SPMIP2: variants seen among roughly 807,000 people sequenced by gnomAD.
The protein encoded by SPMIP2 is protein SPMIP2.
At chr4:158,897,020 C>T in the SPMIP2 span, among the ~76,000 whole-genome samples, 10 of 151,916 alleles carry the variant, frequency 6.6e-5, no homozygotes, top group East Asian at 3.9e-4. Flanking sequence ...AAATAGGCCC[C>T]GGTGTGTGAT....
At chr4:158,986,548 T>C in the SPMIP2 span, among the ~76,000 whole-genome samples, 1 of 151,986 alleles carries the variant, frequency 6.6e-6, no homozygotes, top group Non-Finnish European at 1.5e-5. Flanking sequence ...CCCTATTTAA[T>C]AAATGGTGCT....
the SPMIP2 span, among the ~76,000 whole-genome samples, chr4:159,005,036 G>A: frequency 6.6e-6 from 1 of 151,990 alleles, no homozygotes; most frequent in African/African-American, 2.4e-5. Flanking sequence ...TTCGACATCA[G>A]CCTGACCAAC....
At chr4:159,020,928 A>AT in the SPMIP2 span, among the ~76,000 whole-genome samples, 1 of 151,904 alleles carries the variant, frequency 6.6e-6, no homozygotes, top group South Asian at 2.1e-4. Context: ...CGCCCGGCTA[A>AT]TTTTTTGTAT....
chr4:159,058,037 G>C, the SPMIP2 span, among the ~76,000 whole-genome samples: 8 of 152,094 alleles, frequency 5.3e-5, no homozygotes, highest in Admixed American at 5.2e-4. Flanking sequence ...GCTAATTTTT[G>C]TAATTTTTGT....
At chr4:158,980,953 C>G in the SPMIP2 span, among the ~76,000 whole-genome samples, 1 of 151,820 alleles carries the variant, frequency 6.6e-6, no homozygotes, top group African/African-American at 2.4e-5. Flanking sequence ...AAGGAAGAAC[C>G]TTGAAAAAAG....
At chr4:159,029,345 T>C in the SPMIP2 span, among the ~76,000 whole-genome samples, 1 of 152,198 alleles carries the variant, frequency 6.6e-6, no homozygotes. Context: ...GTGATAAAAA[T>C]ATTCAGTATC....
the SPMIP2 span, among the ~76,000 whole-genome samples, chr4:159,016,692 A>G: frequency 3.9e-5 from 6 of 152,334 alleles, no homozygotes; most frequent in African/African-American, 1.4e-4. Flanking sequence ...AAAAAAGGCT[A>G]AAGTGGGAGT....
the SPMIP2 span, among the ~76,000 whole-genome samples, chr4:159,048,731 C>CTTTTTTT: frequency 6.3e-5 from 7 of 111,470 alleles, no homozygotes; most frequent in African/African-American, 1.1e-4. Flanking sequence ...TCCCCTTCCA[C>CTTTTTTT]TTTTTTTTTT....
At chr4:158,916,160 A>G in the SPMIP2 span, among the ~76,000 whole-genome samples, 1 of 152,200 alleles carries the variant, frequency 6.6e-6, no homozygotes, top group Admixed American at 6.5e-5. Flanking sequence ...CTCTTTCTAC[A>G]TGGCTGGCAC....
At chr4:158,910,961 G>C in the SPMIP2 span, among the ~76,000 whole-genome samples, 2 of 152,188 alleles carry the variant, frequency 1.3e-5, no homozygotes, top group Non-Finnish European at 2.9e-5. Context: ...TCAGTCCAAT[G>C]ATATGGTATG....
the SPMIP2 span, among the ~76,000 whole-genome samples, chr4:159,050,513 G>A: frequency 8.5e-4 from 129 of 152,182 alleles, no homozygotes; most frequent in African/African-American, 3.0e-3. Flanking sequence ...TGTTTAAAAT[G>A]TTAAGATAGC....
chr4:159,029,612 G>A, the SPMIP2 span, among the ~76,000 whole-genome samples: 1 of 152,154 alleles, frequency 6.6e-6, no homozygotes, highest in Non-Finnish European at 1.5e-5. Flanking sequence ...AGAAATGAGT[G>A]GGAAAACAAA....
At chr4:158,896,131 A>T in the SPMIP2 span, among the ~76,000 whole-genome samples, 1 of 152,318 alleles carries the variant, frequency 6.6e-6, no homozygotes, top group African/African-American at 2.4e-5. Context: ...CTTATGCTTG[A>T]AAAGAAAATT....
At chr4:158,984,679 A>G in the SPMIP2 span, among the ~76,000 whole-genome samples, 1 of 152,146 alleles carries the variant, frequency 6.6e-6, no homozygotes, top group African/African-American at 2.4e-5. Context: ...AAGAGAAAGC[A>G]GGAAAGATCC....
the SPMIP2 span, among the ~76,000 whole-genome samples, chr4:159,005,086 C>T: frequency 6.6e-6 from 1 of 151,954 alleles, no homozygotes. Flanking sequence ...CAAAAATTAG[C>T]TGGGCATGGT....
At chr4:159,055,356 A>G in the SPMIP2 span, among the ~76,000 whole-genome samples, 1 of 152,214 alleles carries the variant, frequency 6.6e-6, no homozygotes, top group Non-Finnish European at 1.5e-5. Context: ...AGCAAAACTC[A>G]GCATGCAGAA....
chr4:158,929,863 A>G, the SPMIP2 span, among the ~76,000 whole-genome samples: 1 of 152,222 alleles, frequency 6.6e-6, no homozygotes, highest in Non-Finnish European at 1.5e-5. Flanking sequence ...ATACCTATGT[A>G]GTTACCAGTG....
At chr4:158,921,427 A>G in the SPMIP2 span, among the ~76,000 whole-genome samples, 1 of 152,192 alleles carries the variant, frequency 6.6e-6, no homozygotes, top group Non-Finnish European at 1.5e-5. Flanking sequence ...GGGTGACAGA[A>G]TGAGATTCCA....
At chr4:159,011,021 G>C in the SPMIP2 span, among the ~76,000 whole-genome samples, 1 of 151,914 alleles carries the variant, frequency 6.6e-6, no homozygotes, top group Non-Finnish European at 1.5e-5. Flanking sequence ...GTCTCTCTTT[G>C]TATAAAATCC....
Sources: allele counts gnomAD v4.1 joint callset (sites outside exome capture counted in the v4.1 genomes callset), GRCh38; gene constraint gnomAD v4.1.1; transcripts MANE v1.5; gene names NCBI Gene and HGNC (gene_info 2026-07-23, HGNC 2026-07-21).